Variants in NAALADL2 observed in about 807,000 individuals in gnomAD.
NAALADL2 encodes inactive N-acetylated-alpha-linked acidic dipeptidase-like protein 2.
In NAALADL2, 76 loss-of-function variants were observed where a neutral mutation model predicts 87.2. The observed-to-expected ratio is 0.87, with a 90% CI of 0.72 to 1.05. NAALADL2 has a LOEUF of 1.05. NAALADL2 is among the 50% of genes least tolerant of loss of function. The pLI, the probability that NAALADL2 is intolerant of heterozygous loss-of-function variation, is 0.00. For synonymous variants in NAALADL2, 354 were observed against 331.0 expected, an observed-to-expected ratio of 1.07 and a Z score of -0.75; for missense variants, 1,089 against 945.8, an observed-to-expected ratio of 1.15 and a Z score of -1.99.
intron 11 of NAALADL2, among the ~76,000 whole-genome samples, chr3:175,720,512 A>T (rs955557979): frequency 1.3e-5 from 2 of 152,116 alleles, no homozygotes; most frequent in African/African-American, 4.8e-5. Context: ...CTCATTCTAA[A>T]TTCCAGAATA....
intron 2 of NAALADL2, among the ~76,000 whole-genome samples, chr3:174,591,949 A>G (rs1478170823): frequency 6.6e-6 from 1 of 151,974 alleles, no homozygotes; most frequent in East Asian, 1.9e-4. Flanking sequence ...TTTTTCACCA[A>G]TTTTCAAGAT....
At chr3:175,579,511 T>A (rs975572245) in intron 10 of NAALADL2, among the ~76,000 whole-genome samples, 1 of 152,228 alleles carries the variant, frequency 6.6e-6, no homozygotes, top group Non-Finnish European at 1.5e-5. Context: ...GCCTCTATAC[T>A]CTAATTTTCC....
intron 5 of NAALADL2, among the ~76,000 whole-genome samples, chr3:175,348,210 C>G (rs566520092): frequency 1.3e-5 from 2 of 152,076 alleles, no homozygotes; most frequent in African/African-American, 4.8e-5. Flanking sequence ...TGCCACCACG[C>G]CCAGCTAATT....
intron 6 of NAALADL2, among the ~76,000 whole-genome samples, chr3:175,449,394 C>CTTCTTTTTTTTTTTT (rs1212551637): frequency 2.0e-3 from 95 of 48,560 alleles, no homozygotes; most frequent in East Asian, 7.8e-3. Context: ...TAATTTTCTT[C>CTTCTTTTTTTTTTTT]TTTTTTTTTT....
chr3:175,269,703 T>C (rs1378801522), intron 4 of NAALADL2, among the ~76,000 whole-genome samples: 1 of 152,236 alleles, frequency 6.6e-6, no homozygotes. Flanking sequence ...TTTGAATGTC[T>C]TATCCAATGT....
chr3:175,029,511 A>C (rs1295639165), intron 1 of NAALADL2, among the ~76,000 whole-genome samples: 1 of 152,092 alleles, frequency 6.6e-6, no homozygotes, highest in East Asian at 1.9e-4. Flanking sequence ...ATTGTTAGCA[A>C]AACCAGCATA....
At chr3:174,675,273 A>G (rs1308676234) in intron 2 of NAALADL2, among the ~76,000 whole-genome samples, 2 of 152,110 alleles carry the variant, frequency 1.3e-5, no homozygotes, top group Non-Finnish European at 2.9e-5. Flanking sequence ...GTGACTATTT[A>G]GGGATGACAT....
At chr3:174,719,217 C>G (rs1731482262) in intron 2 of NAALADL2, among the ~76,000 whole-genome samples, 2 of 152,142 alleles carry the variant, frequency 1.3e-5, no homozygotes, top group African/African-American at 2.4e-5. Context: ...TGTACCACCT[C>G]TCATATAGAT....
At chr3:174,847,899 G>A (rs1184387736) in intron 3 of NAALADL2, among the ~76,000 whole-genome samples, 1 of 150,954 alleles carries the variant, frequency 6.6e-6, no homozygotes, top group Non-Finnish European at 1.5e-5. Context: ...CAACTCTTTG[G>A]ATTTTTGACA....
At chr3:175,727,290 C>T (rs1206190623) in intron 11 of NAALADL2, among the ~76,000 whole-genome samples, 1 of 152,110 alleles carries the variant, frequency 6.6e-6, no homozygotes, top group Non-Finnish European at 1.5e-5. Flanking sequence ...GAGAAAAGAA[C>T]TCTTTCCTCC....
rs965097760 is a variant in NAALADL2, at chr3:175,804,250, A to C, written c.*1047A>C. 2.6e-5 allele frequency: 4 copies of C among 151,860 alleles called. No individual in the cohort carries two copies. The highest frequency in any genetic ancestry group is 5.9e-5 in the Non-Finnish European group (4 of 67,834). 9.4% of individuals were successfully genotyped at this position (151,860 alleles called of 1,614,324 possible). On this transcript the variant is annotated 3_prime_UTR_variant, in exon 14 of 14. Coordinates refer to ENST00000454872, the MANE Select transcript of NAALADL2 (RefSeq NM_207015.3). The stretch of plus-strand genomic sequence containing the variant: ...TTGTTTTATCAATAAAAGCCCCTTA[A>C]TATTATGAAGAAACTTTTCATATTT...
chr3:175,746,165 C>A (rs1745893525), intron 12 of NAALADL2, among the ~76,000 whole-genome samples: 2 of 147,702 alleles, frequency 1.4e-5, no homozygotes, highest in African/African-American at 5.0e-5. Context: ...TGACTTTTTT[C>A]TTTTTTTTTT....
rs186060584 is a variant in NAALADL2 at position 175,646,639 on chromosome 3, G to T, written c.1896+19253G>T. Among the ~76,000 whole-genome samples, 12 of 152,178 alleles carry T rather than the reference G, an allele frequency of 7.9e-5. No homozygotes were observed. The East Asian group carries it at 1.5e-3, about 20-fold the overall frequency. ...CTATTAACTGGAAGTTAGAGTTAAA[G>T]ATATGGTTACAGTAATATTAAGCAT... On this transcript the variant is annotated intron_variant, in intron 11 of 13. Transcript: ENST00000454872.
intron 3 of NAALADL2, among the ~76,000 whole-genome samples, chr3:174,763,832 A>AC (rs1157210815): frequency 2.1e-5 from 3 of 144,628 alleles, no homozygotes; most frequent in Admixed American, 6.8e-5. Flanking sequence ...AACAAAACAA[A>AC]AAAAAAAAAA....
intron 3 of NAALADL2, among the ~76,000 whole-genome samples, chr3:174,746,747 C>G (rs1367106745): frequency 6.6e-6 from 1 of 152,002 alleles, no homozygotes; most frequent in African/African-American, 2.4e-5. Flanking sequence ...ACCAATGGAA[C>G]AAAATAGAGA....
At chr3:174,935,595 G>C (rs963452570) in intron 1 of NAALADL2, among the ~76,000 whole-genome samples, 3 of 152,238 alleles carry the variant, frequency 2.0e-5, no homozygotes, top group Non-Finnish European at 4.4e-5. Flanking sequence ...CATACAGACA[G>C]ACACACACTA....
intron 1 of NAALADL2, among the ~76,000 whole-genome samples, chr3:174,960,415 G>T (rs2108552669): frequency 6.6e-6 from 1 of 152,116 alleles, no homozygotes; most frequent in South Asian, 2.1e-4. Context: ...TCTGGCGATG[G>T]AATGTCAATC....
chr3:175,552,321 G>T (rs1341882095), intron 9 of NAALADL2, among the ~76,000 whole-genome samples: 3 of 152,006 alleles, frequency 2.0e-5, no homozygotes, highest in Non-Finnish European at 4.4e-5. Context: ...CTTCATATTT[G>T]CTTTTTTCTT....
chr3:175,345,500 G>C (rs1348521853), intron 5 of NAALADL2, among the ~76,000 whole-genome samples: 2 of 152,092 alleles, frequency 1.3e-5, no homozygotes, highest in Admixed American at 1.3e-4. Flanking sequence ...TGATGCAAAG[G>C]AAATTTCTTT....
Sources: allele counts gnomAD v4.1 joint callset (sites outside exome capture counted in the v4.1 genomes callset), GRCh38; gene constraint gnomAD v4.1.1; transcripts MANE v1.5; gene names NCBI Gene and HGNC (gene_info 2026-07-23, HGNC 2026-07-21).